Variants in RPL17 observed in about 807,000 individuals in gnomAD.
RPL17 encodes the protein ribosomal protein L17, also known as large ribosomal subunit protein uL22.
Under a neutral mutation model 27.7 loss-of-function variants are expected in RPL17, and 2 were observed. The observed-to-expected ratio is 0.07, with a 90% CI of 0.03 to 0.23. The LOEUF is 0.23. Among genes scored for constraint, RPL17 ranks in the 10% least tolerant of loss-of-function variants. The probability of loss-of-function intolerance (pLI) is 1.00; values close to 1 mark genes in which losing one functional copy is unlikely to be tolerated. For missense variants in RPL17, 141 were observed against 238.8 expected, an observed-to-expected ratio of 0.59 and a Z score of 2.70; for synonymous variants, 76 against 75.5, an observed-to-expected ratio of 1.01 and a Z score of -0.03.
chr18:49,491,239 G>T, intron 3 of RPL17, 166 bp downstream of exon 3: 2 of 1,161,662 alleles, frequency 1.7e-6, no homozygotes, highest in Non-Finnish European at 2.6e-6. Flanking sequence ...TTTCACAAAC[G>T]CTACATCCTT....
Position 49,490,472 on chromosome 18 carries a change from C to T in RPL17, c.297G>A (p.Glu99=), listed in dbSNP as rs375547593. 9.8e-5 allele frequency: 158 copies of T among 1,613,890 alleles called. No homozygotes were observed. The highest frequency in any genetic ancestry group is 1.3e-4 in the Non-Finnish European group (152 of 1,179,888). ...EFLLHMLKNA[E]SNAELKGLDV... ...TGGGTACCTTAAGTTCAGCATTACT[C>T]TCTGCGTTTTTAAGCATGTGCAGCA... The change falls in exon 5 of 7, where the codon GAG becomes GAA. Residue 99 remains glutamate, a synonymous_variant. Transcript: ENST00000580261.
intron 1 of RPL17, 118 bp from the exon 2 acceptor site, chr18:49,491,702 G>C (rs201417303): frequency 7.6e-7 from 1 of 1,307,896 alleles, no homozygotes; most frequent in African/African-American, 1.5e-5. Flanking sequence ...TTAATCCAAA[G>C]GTGTCCTAAG....
At chr18:49,491,659 G>C (rs376271006) in intron 1 of RPL17, 75 bp from the exon 2 acceptor site, 8 of 1,529,240 alleles carry the variant, frequency 5.2e-6, no homozygotes, top group East Asian at 4.5e-5. Context: ...CAGATGATTC[G>C]AACAGCTGCT....
At chr18:49,491,074 A>C in intron 3 of RPL17, 147 bp from the exon 4 acceptor site, 1 of 1,326,540 alleles carries the variant, frequency 7.5e-7, no homozygotes, top group South Asian at 1.4e-5. Context: ...TGTGACTAAA[A>C]GCCAGGTAAA....
chr18:49,491,111 A>C, intron 3 of RPL17, 184 bp from the exon 4 acceptor site: 1 of 1,009,388 alleles, frequency 9.9e-7, no homozygotes, highest in East Asian at 2.4e-5. Context: ...GAAAACTCCA[A>C]AACTCCATTT....
intron 1 of RPL17, chr18:49,492,136 G>A (rs751684000): frequency 5.8e-6 from 1 of 172,828 alleles, no homozygotes; most frequent in Non-Finnish European, 1.3e-5. Context: ...CTCACCACTA[G>A]ACACCGGACC....
At chr18:49,489,245 G>C in intron 6 of RPL17, 114 bp downstream of exon 6, 1 of 1,167,040 alleles carries the variant, frequency 8.6e-7, no homozygotes, top group Non-Finnish European at 1.2e-6. Flanking sequence ...AGGTGAAAGG[G>C]TTGCTCAGAA....
chr18:49,488,620 G>T, intron 6 of RPL17, 54 bp from the exon 7 acceptor site: 1 of 1,056,258 alleles, frequency 9.5e-7, no homozygotes, highest in Non-Finnish European at 1.5e-6. Context: ...GTACATCTTG[G>T]AGGACTTCAG....
chr18:49,489,064 A>G (rs563605481), intron 6 of RPL17: 1 of 280,994 alleles, frequency 3.6e-6, no homozygotes, highest in Non-Finnish European at 6.9e-6. Flanking sequence ...ACGCCCAGCT[A>G]ATTTTTTTTT....
intron 5 of RPL17, among the ~76,000 whole-genome samples, chr18:49,489,995 C>T (rs1240084317): frequency 6.6e-6 from 1 of 152,180 alleles, no homozygotes; most frequent in African/African-American, 2.4e-5. Context: ...TTTGTCAACA[C>T]AAGTTTGTCA....
rs371629298 is a variant in RPL17 at position 49,488,693 on chromosome 18, GA to G, written c.508-128del. 164 of 642,428 alleles carry G rather than the reference GA, an allele frequency of 2.6e-4. No individual in the cohort carries two copies. The East Asian group carries it at 4.5e-3, about 18-fold the overall frequency. The allele number at this position is 642,428 out of a possible 1,614,324, so 39.8% of individuals were successfully genotyped here. ...AAGGGGGAAAAATACTTAAATGGTA[GA>G]AATCAACAGAACTTAAGTTCATTAG... On this transcript the variant is annotated intron_variant, in intron 6 of 6. Coordinates refer to ENST00000580261, the MANE Select transcript of RPL17 (RefSeq NM_001035006.5).
intron 6 of RPL17, chr18:49,489,119 T>G (rs1192378734): frequency 1.2e-5 from 5 of 408,106 alleles, no homozygotes; most frequent in Non-Finnish European, 2.3e-5. Context: ...GCCAGGATGG[T>G]CTCGATCTCC....
chr18:49,488,794 A>G (rs1371366665), intron 6 of RPL17, among the ~76,000 whole-genome samples: 2 of 152,208 alleles, frequency 1.3e-5, no homozygotes, highest in African/African-American at 4.8e-5. Flanking sequence ...ACTGAAAACA[A>G]GCTTCTTAGA....
rs1041012710 is a variant in RPL17, at chr18:49,491,582, C to T, written c.-11G>A. 6.2e-7 allele frequency: 1 copy of T among 1,614,160 alleles called. No individual in the cohort carries two copies. Among genetic ancestry groups the T allele is most frequent in the East Asian group, 2.2e-5 (1 of 44,884 alleles). ...TGAATAGCGAACCATTTTCACAGAT[C>T]ACCTAGAGGAAAGTACAGTGTAATT... On this transcript the variant is annotated splice_region_variant and 5_prime_UTR_variant, in exon 2 of 7. Transcript: ENST00000580261.
At chr18:49,490,573 T>C (rs567957956) in intron 4 of RPL17, 21 bp from the exon 5 acceptor site, 3 of 1,613,508 alleles carry the variant, frequency 1.9e-6, no homozygotes, top group Non-Finnish European at 1.7e-6. Flanking sequence ...ATGGAGATGA[T>C]GAGTCATTTT....
Position 49,489,833 on chromosome 18 carries a change from AG to A in RPL17, c.316-284del, listed in dbSNP as rs539502841. ...TAGACGGGTGGAGAGCTGAGGGGTA[AG>A]GAAGAACCCAATTCGAAGTCTTGAT... On this transcript the variant is annotated intron_variant, in intron 5 of 6. Transcript: ENST00000580261. Among the ~76,000 whole-genome samples, 19 of 152,308 alleles carry A rather than the reference AG, an allele frequency of 1.2e-4. 1 individual carries two copies. In the East Asian group the frequency reaches 3.3e-3, roughly 26 times the overall value.
chr18:49,491,289 C>T (rs754045726), intron 3 of RPL17, 116 bp downstream of exon 3: 1 of 1,510,526 alleles, frequency 6.6e-7, no homozygotes, highest in Non-Finnish European at 9.2e-7. Context: ...GGTGGCTGCT[C>T]AGAATTTATT....
Position 49,490,804 on chromosome 18 carries a change from T to C in RPL17, c.205A>G (p.Arg69Gly). Reference protein sequence around the residue: ...PFRRYNGGVGRCAQAKQWGWT... With the variant: ...PFRRYNGGVGGCAQAKQWGWT... ...CTAAGAATTCTCACCTGCGCACACC[T>C]GCCAACTCCACCATTGTAACGTCGG... is the stretch of plus-strand genomic sequence containing the variant. Residue 69 changes from arginine (R) to glycine (G), a missense_variant, in exon 4 of 7, where the codon AGG (arginine) becomes GGG (glycine). Arg to Gly is a moderately radical substitution (Grantham distance 125). This residue lies in a region of RPL17 where 107 missense variants were observed against 150.1 expected (regional missense o/e 0.71). Transcript: ENST00000580261. 2.5e-6 allele frequency: 4 copies of C among 1,612,932 alleles called. No homozygotes were observed. The African/African-American group carries it at 5.3e-5, about 21-fold the overall frequency.
At chr18:49,489,298 C>A in intron 6 of RPL17, 61 bp downstream of exon 6, 4 of 1,573,458 alleles carry the variant, frequency 2.5e-6, no homozygotes, top group Non-Finnish European at 2.6e-6. Context: ...CTAAGATAGT[C>A]ATCACAGCAA....
Sources: allele counts gnomAD v4.1 joint callset (sites outside exome capture counted in the v4.1 genomes callset), GRCh38; gene constraint gnomAD v4.1.1; regional missense constraint gnomAD v4.1.1; transcripts MANE v1.5; gene names NCBI Gene and HGNC (gene_info 2026-07-23, HGNC 2026-07-21).